Variants in LHFPL3 observed in about 807,000 individuals in gnomAD.
LHFPL3 encodes LHFPL tetraspan subfamily member 3, also known as LHFPL tetraspan subfamily member 3 protein.
Under a neutral mutation model 19.3 loss-of-function variants are expected in LHFPL3, and 5 were observed. That is an observed-to-expected ratio of 0.26 (90% CI 0.14 to 0.54). The LOEUF (loss-of-function observed/expected upper bound fraction) is 0.54, where lower values mean the gene tolerates loss of function less well. Ranked by LOEUF, LHFPL3 falls within the 20% of genes least tolerant of loss-of-function variation. LHFPL3 has a pLI of 0.94. For synonymous variants in LHFPL3, 133 were observed against 126.2 expected (o/e 1.05, Z -0.36); for missense variants, 249 against 307.4 (o/e 0.81, Z 1.42).
chr7:104,791,962 A>C (rs1238181087), intron 2 of LHFPL3, among the ~76,000 whole-genome samples: 1 of 152,158 alleles, frequency 6.6e-6, no homozygotes. Flanking sequence ...AGTTTGCCTG[A>C]AGGAGCTTCC....
At chr7:104,682,611 C>G (rs10276543) in intron 1 of LHFPL3, among the ~76,000 whole-genome samples, 70,998 of 151,934 alleles carry the variant, frequency 0.47, 17,388 homozygotes, top group East Asian at 0.59. Flanking sequence ...AGGTGTGAGG[C>G]TGGCTTCAGA....
At chr7:104,522,332 A>T (rs939405988) in intron 1 of LHFPL3, among the ~76,000 whole-genome samples, 1 of 146,528 alleles carries the variant, frequency 6.8e-6, no homozygotes, top group Non-Finnish European at 1.5e-5. Context: ...GTGGGAATTG[A>T]ACAATGAGAA....
At chr7:104,830,606 T>G (rs1790932129) in intron 2 of LHFPL3, among the ~76,000 whole-genome samples, 1 of 151,972 alleles carries the variant, frequency 6.6e-6, no homozygotes, top group Non-Finnish European at 1.5e-5. Context: ...TCCCCATTGC[T>G]TGTTTTTCTC....
chr7:104,365,156 G>A lies in LHFPL3; in HGVS notation c.445+35932G>A, dbSNP rs569221959. Among the ~76,000 whole-genome samples, 17 of 152,110 alleles carry A rather than the reference G, an allele frequency of 1.1e-4. 1 individual carries two copies. The highest frequency in any genetic ancestry group is 1.9e-4 in the African/African-American group (8 of 41,506). On this transcript the variant is annotated intron_variant, in intron 1 of 2. Coordinates refer to ENST00000424859, the MANE Select transcript of LHFPL3 (RefSeq NM_199000.3). ...CTCTACTAAAAATACAAAATTAGCC[G>A]GGCGTGGTAGCACATGCATGTAATC...
At chr7:104,343,591 A>G (rs539934616) in intron 1 of LHFPL3, among the ~76,000 whole-genome samples, 5 of 148,690 alleles carry the variant, frequency 3.4e-5, no homozygotes, top group African/African-American at 1.2e-4. Flanking sequence ...AAGGTGATTT[A>G]AATACCTATT....
At chr7:104,348,936 G>A (rs1425352913) in intron 1 of LHFPL3, among the ~76,000 whole-genome samples, 1 of 152,076 alleles carries the variant, frequency 6.6e-6, no homozygotes, top group African/African-American at 2.4e-5. Context: ...TTGGGGAGCT[G>A]AAGAACCTCT....
rs190572588 is a variant in LHFPL3, at chr7:104,878,844, A to T, written c.683-27343A>T. On this transcript the variant is annotated intron_variant, in intron 2 of 2. Coordinates refer to ENST00000424859, the MANE Select transcript of LHFPL3 (RefSeq NM_199000.3). ...ACTCCAGTGAACGAACACACAAATG[A>T]TAAGAAAGTGAAACAGCCTTTAAGG... Among the ~76,000 whole-genome samples, 537 of 152,318 alleles carry T rather than the reference A, an allele frequency of 3.5e-3. 1 individual carries two copies. Among genetic ancestry groups the T allele is most frequent in the Admixed American group, 7.1e-3 (108 of 15,300 alleles).
chr7:104,771,016 A>T (rs1794541141), intron 2 of LHFPL3, among the ~76,000 whole-genome samples: 1 of 152,140 alleles, frequency 6.6e-6, no homozygotes, highest in South Asian at 2.1e-4. Context: ...GGAGCTCAAC[A>T]TATATTTATG....
intron 1 of LHFPL3, among the ~76,000 whole-genome samples, chr7:104,362,804 T>C (rs997933409): frequency 4.6e-5 from 7 of 152,234 alleles, no homozygotes; most frequent in Admixed American, 3.9e-4. Flanking sequence ...ATGGAGAATG[T>C]TGATTAGTTG....
chr7:104,675,974 A>G (rs1441800176), intron 1 of LHFPL3, among the ~76,000 whole-genome samples: 3 of 152,200 alleles, frequency 2.0e-5, no homozygotes, highest in Non-Finnish European at 4.4e-5. Flanking sequence ...ATGTTTTTTA[A>G]AGCCTGGGAC....
At chr7:104,877,185 G>A (rs1441231513) in intron 2 of LHFPL3, among the ~76,000 whole-genome samples, 1 of 152,108 alleles carries the variant, frequency 6.6e-6, no homozygotes, top group Non-Finnish European at 1.5e-5. Context: ...TAAATGACGA[G>A]TTACTGGGTG....
chr7:104,620,945 ACC>A, intron 1 of LHFPL3, among the ~76,000 whole-genome samples: 1 of 152,148 alleles, frequency 6.6e-6, no homozygotes, highest in Non-Finnish European at 1.5e-5. Context: ...CTTTTTTTCA[ACC>A]CCTGACAGCA....
intron 2 of LHFPL3, among the ~76,000 whole-genome samples, chr7:104,837,626 T>A (rs1000433165): frequency 2.0e-5 from 3 of 152,192 alleles, no homozygotes; most frequent in Non-Finnish European, 2.9e-5. Context: ...TATTTTTTTT[T>A]ATTTTTATTT....
intron 1 of LHFPL3, among the ~76,000 whole-genome samples, chr7:104,531,645 C>G: frequency 6.6e-6 from 1 of 151,944 alleles, no homozygotes; most frequent in East Asian, 1.9e-4. Context: ...TGACATACAC[C>G]CAGGTATATG....
intron 1 of LHFPL3, among the ~76,000 whole-genome samples, chr7:104,497,020 G>A (rs1199818176): frequency 6.6e-6 from 1 of 152,100 alleles, no homozygotes; most frequent in Non-Finnish European, 1.5e-5. Flanking sequence ...CATCATTCCT[G>A]CCCTAAATAG....
At chr7:104,390,381 C>A (rs1009644471) in intron 1 of LHFPL3, among the ~76,000 whole-genome samples, 2 of 150,882 alleles carry the variant, frequency 1.3e-5, no homozygotes, top group African/African-American at 2.4e-5. Context: ...TGTTCCCCAA[C>A]CTGTGTCCAA....
chr7:104,806,627 GA>G (rs999774743), intron 2 of LHFPL3, among the ~76,000 whole-genome samples: 252 of 149,638 alleles, frequency 1.7e-3, no homozygotes, highest in African/African-American at 5.8e-3. Context: ...TTTTCAACAT[GA>G]AAAAAAAAAT....
intron 1 of LHFPL3, among the ~76,000 whole-genome samples, chr7:104,680,430 A>G (rs1226994032): frequency 1.3e-5 from 2 of 152,138 alleles, no homozygotes; most frequent in African/African-American, 4.8e-5. Context: ...GGGATTCATT[A>G]TTTATGCCCA....
intron 1 of LHFPL3, among the ~76,000 whole-genome samples, chr7:104,452,637 T>C (rs1792463598): frequency 6.6e-6 from 1 of 152,226 alleles, no homozygotes; most frequent in Non-Finnish European, 1.5e-5. Context: ...ATTATATCTT[T>C]TTAATTGATT....
Sources: gnomAD v4.1 joint callset for allele counts (sites outside exome capture counted in the v4.1 genomes callset) on GRCh38, gnomAD v4.1.1 for gene constraint, MANE v1.5 for transcripts, NCBI Gene and HGNC (gene_info 2026-07-23, HGNC 2026-07-21) for gene names.